The following SEMA4G variants were observed in gnomAD, a reference collection of about 807,000 sequenced individuals.
SEMA4G encodes semaphorin-4G.
In SEMA4G, 59 loss-of-function variants were observed where a neutral mutation model predicts 81.2. The observed-to-expected ratio is 0.73, with a 90% confidence interval of 0.59 to 0.90. The LOEUF (loss-of-function observed/expected upper bound fraction) is 0.90, where lower values mean the gene tolerates loss of function less well. Among genes scored for constraint, SEMA4G ranks in the 40% least tolerant of loss-of-function variants. The pLI, the probability that SEMA4G is intolerant of heterozygous loss-of-function variation, is 0.00. For missense variants in SEMA4G, 952 were observed against 1,102.3 expected (o/e 0.86, Z 1.93); for synonymous variants, 404 against 433.9 (o/e 0.93, Z 0.86).
At chr10:100,984,152 T>C (rs745721149) in exon 14 of SEMA4G, 7 of 1,586,578 alleles carry the variant, frequency 4.4e-6, no homozygotes, top group South Asian at 1.2e-5. Context: ...CCAGAACAAA[T>C]GCTCTTCCAA....
In SEMA4G at chr10:100,980,116, C is replaced by T. The variant is rs373152224; in HGVS notation, c.1129-6C>T. 1.4e-5 allele frequency: 22 copies of T among 1,614,008 alleles called. No individual in the cohort carries two copies. The highest frequency in any genetic ancestry group is 1.6e-4 in the Middle Eastern group (1 of 6,084). ...CGAGGTTCACCACCTTCGTCCCCCA[C>T]GCCAGTGTATCACAGATTCATTGCG... is the stretch of plus-strand genomic sequence containing the variant. On this transcript the variant is annotated splice_region_variant and splice_polypyrimidine_tract_variant and intron_variant, in intron 9 of 13. Coordinates refer to ENST00000370250, the Ensembl canonical transcript of SEMA4G.
intron 3 of SEMA4G, among the ~76,000 whole-genome samples, chr10:100,974,366 G>A (rs1435286545): frequency 6.6e-6 from 1 of 152,044 alleles, no homozygotes; most frequent in East Asian, 1.9e-4. Context: ...TTGGGAAGCT[G>A]AGTGGGAGTA....
At chr10:100,976,347 T>C (rs1199848773) in intron 3 of SEMA4G, among the ~76,000 whole-genome samples, 2 of 152,194 alleles carry the variant, frequency 1.3e-5, no homozygotes, top group Non-Finnish European at 2.9e-5. Flanking sequence ...GATGAGCCGA[T>C]ACAGTGGTGT....
chr10:100,972,238 C>T (rs1850655486), upstream of SEMA4G, among the ~76,000 whole-genome samples: 1 of 152,164 alleles, frequency 6.6e-6, no homozygotes, highest in East Asian at 1.9e-4. Flanking sequence ...CCAAGAACCC[C>T]AGCTCCTTTG....
rs1282755788 is a variant in SEMA4G at position 100,983,328 on chromosome 10, C to T, written c.1714C>T (p.Arg572Cys). The stretch of plus-strand genomic sequence containing the variant: ...AGGGCCACCACCACCACTGAAGACC[C>T]GCTCTGTGCTCCGGGGTGATGATGT... The change falls in exon 14 of 14, where the codon CGC becomes TGC. Residue 572 changes from arginine to cysteine, a missense_variant. By Grantham distance (180) the Arg-to-Cys change is radical. Transcript: ENST00000370250. The T allele has an allele frequency of 6.4e-6, 10 of 1,569,052 alleles. No individual in the cohort carries two copies. The Admixed American group carries it at 7.3e-5, about 11-fold the overall frequency.
rs1850683258 is a variant in SEMA4G, at chr10:100,973,186, TGGA to T, written c.188_190del (p.Glu63del). On this transcript the variant is annotated inframe_deletion, in exon 2 of 14. Transcript: ENST00000370250. The surrounding 1 kb of genome is among the most constrained non-coding windows in gnomAD (Gnocchi z 5.5). ...GCCCAGAACTACTCAACACTGCTGC[TGGA>T]GGAGGCCTCAGCAAGGCTGCTGGTG... The T allele has an allele frequency of 1.2e-6, 2 of 1,613,728 alleles. No homozygotes were observed. Among genetic ancestry groups the T allele is most frequent in the Non-Finnish European group, 1.7e-6 (2 of 1,180,024 alleles).
intron 3 of SEMA4G, among the ~76,000 whole-genome samples, chr10:100,974,242 G>A (rs1441967017): frequency 6.6e-6 from 1 of 151,840 alleles, no homozygotes; most frequent in Non-Finnish European, 1.5e-5. Flanking sequence ...AGGGTAGGAG[G>A]ACAACTTGAG....
chr10:100,981,912 G>T (rs111783512), intron 13 of SEMA4G, among the ~76,000 whole-genome samples: 12,960 of 151,702 alleles, frequency 0.085, 658 homozygotes, highest in African/African-American at 0.13. Context: ...ACAAAAATTA[G>T]CCGGGTGTGG....
chr10:100,983,309 A>C (rs1334008977), exon 14 of SEMA4G: 1 of 1,536,064 alleles, frequency 6.5e-7, no homozygotes, highest in Non-Finnish European at 8.8e-7. Context: ...CCACAGGGCC[A>C]CCACCACCAC....
rs1318990634 is a variant in SEMA4G, at chr10:100,980,926, C to A, written c.1572C>A (p.Tyr524Ter). The change falls in exon 12 of 14, where the codon TAC (tyrosine) becomes TAA (stop). Residue 524 changes from tyrosine (Y) to a stop codon, truncating the protein, a stop_gained. Coordinates refer to ENST00000370250, the Ensembl canonical transcript of SEMA4G. LOFTEE classifies it high-confidence loss of function. ...ACTGCATCTTGGCCCGAGACCCCTA[C>A]TGTGGCTGGGACCCTGGCACCCATG... The A allele has an allele frequency of 6.2e-7, 1 of 1,611,870 alleles. No individual in the cohort carries two copies. Among genetic ancestry groups the A allele is most frequent in the South Asian group, 1.1e-5 (1 of 90,978 alleles).
In SEMA4G at chr10:100,978,934, G is replaced by A. The variant is rs781655724; in HGVS notation, c.729G>A (p.Thr243=). Residue 243 remains threonine, a synonymous_variant, in exon 7 of 14, where the codon ACG becomes ACA. Coordinates refer to ENST00000370250, the Ensembl canonical transcript of SEMA4G. Reference sequence around the variant, plus strand: ...ATGACAAGGTGTACTACTTCTTCACGGAGCGTGCCACTGAGGAGGGCTCTG... The same window carrying A: ...ATGACAAGGTGTACTACTTCTTCACAGAGCGTGCCACTGAGGAGGGCTCTG... 9.9e-6 allele frequency: 16 copies of A among 1,614,038 alleles called. No homozygotes were observed. In the African/African-American group the frequency reaches 1.1e-4, roughly 11 times the overall value.
rs898907623 is a variant in SEMA4G at position 100,978,938 on chromosome 10, C to T, written c.733C>T (p.Arg245Cys). 1.5e-5 allele frequency: 25 copies of T among 1,613,940 alleles called. No homozygotes were observed. Among genetic ancestry groups the T allele is most frequent in the Middle Eastern group, 1.6e-4 (1 of 6,084 alleles). Residue 245 changes from arginine (R) to cysteine (C), a missense_variant, in exon 7 of 14, where the codon CGT becomes TGT. Transcript: ENST00000370250. ...CAAGGTGTACTACTTCTTCACGGAG[C>T]GTGCCACTGAGGAGGGCTCTGGCAG... is the stretch of plus-strand genomic sequence containing the variant.
At chr10:100,977,915 T>G (rs923257764) in intron 4 of SEMA4G, 185 bp downstream of exon 5, 1 of 601,200 alleles carries the variant, frequency 1.7e-6, no homozygotes, top group East Asian at 2.8e-5. Flanking sequence ...GTAAAAACCA[T>G]GCAGTTTTTA....
intron 13 of SEMA4G, among the ~76,000 whole-genome samples, chr10:100,982,072 A>AG (rs1388585229): frequency 6.6e-6 from 1 of 150,732 alleles, no homozygotes; most frequent in Non-Finnish European, 1.5e-5. Context: ...CAAAAAAAAA[A>AG]AAAAAGAAAG....
intron 8 of SEMA4G, 60 bp downstream of exon 9, chr10:100,979,331 G>T: frequency 6.2e-7 from 1 of 1,614,030 alleles, no homozygotes; most frequent in Non-Finnish European, 8.5e-7. Flanking sequence ...CTGGAGCAGA[G>T]GTCAATGAGG....
rs763792103 is a variant in SEMA4G, at chr10:100,979,097, C to G, written c.814-5C>G. On this transcript the variant is annotated splice_polypyrimidine_tract_variant and splice_region_variant and intron_variant, in intron 7 of 13. Transcript: ENST00000370250. ...GCCCCTTATCCCGTGCCTCTACCTCCCCAGGGAGACCTGGGAGGGAAGAAG... is the reference window on the plus strand; with the variant it reads ...GCCCCTTATCCCGTGCCTCTACCTCGCCAGGGAGACCTGGGAGGGAAGAAG... 1.9e-6 allele frequency: 3 copies of G among 1,613,990 alleles called. No homozygotes were observed. Among genetic ancestry groups the G allele is most frequent in the Non-Finnish European group, 2.5e-6 (3 of 1,179,946 alleles).
In SEMA4G at chr10:100,980,601, G is replaced by A. The variant is rs144844358; in HGVS notation, c.1375G>A (p.Val459Ile). 2.7e-4 allele frequency: 432 copies of A among 1,614,126 alleles called. 5 individuals carry two copies. In the South Asian group the frequency reaches 3.4e-3, roughly 13 times the overall value. ...AGCTGATGGCTGGATCCACAAGGCC[G>A]TAGTCCTGGGCTCTGGGATGCACAT... is the stretch of plus-strand genomic sequence containing the variant. The change falls in exon 11 of 14, where the codon GTA (valine) becomes ATA (isoleucine). Residue 459 changes from valine to isoleucine, a missense_variant. Physicochemically the swap from Val to Ile is conservative, Grantham distance 29. Around this residue, in one of 3 missense-constraint regions of SEMA4G, gnomAD observed 131 missense variants for 200.7 expected, o/e 0.65. Transcript: ENST00000370250.
In SEMA4G at chr10:100,973,771, C is replaced by T. The variant is rs1462869596; in HGVS notation, c.336+162C>T. Among the ~76,000 whole-genome samples the T allele has an allele frequency of 1.4e-5, 2 of 143,822 alleles. No homozygotes were observed. Among genetic ancestry groups the T allele is most frequent in the East Asian group, 2.3e-4 (1 of 4,306 alleles). 94.4% of individuals were successfully genotyped at this position (143,822 alleles called of 152,430 possible). ...TTGCCAGAGTGGCAAGCCATGGGCA[C>T]AGCATTTTTTTTTTTTTCTTTTTTT... is the stretch of plus-strand genomic sequence containing the variant. On this transcript the variant is annotated intron_variant, in intron 3 of 13. Transcript: ENST00000370250. The surrounding 1 kb of genome is among the most constrained non-coding windows in gnomAD (Gnocchi z 5.5).
intron 13 of SEMA4G, among the ~76,000 whole-genome samples, chr10:100,982,903 A>T (rs1280297341): frequency 6.6e-6 from 1 of 152,252 alleles, no homozygotes; most frequent in East Asian, 1.9e-4. Flanking sequence ...TGGCGATTCA[A>T]GGAAAGGACT....
Sources: allele counts gnomAD v4.1 joint callset (sites outside exome capture counted in the v4.1 genomes callset), GRCh38; gene constraint gnomAD v4.1.1; regional missense constraint gnomAD v4.1.1; non-coding constraint Gnocchi (gnomAD v3.1); transcripts MANE v1.5; gene names NCBI Gene and HGNC (gene_info 2026-07-23, HGNC 2026-07-21).